NAA11: variants seen among roughly 807,000 people sequenced by gnomAD.
NAA11 encodes the protein N-alpha-acetyltransferase 11, NatA catalytic subunit.
A neutral mutation model predicts 16.1 loss-of-function variants in NAA11; 15 were observed. The observed-to-expected ratio is 0.93, with a 90% confidence interval of 0.62 to 1.44. The LOEUF (loss-of-function observed/expected upper bound fraction) is 1.44, where lower values mean the gene tolerates loss of function less well. Among genes scored for constraint, NAA11 ranks in the 40% most tolerant of loss-of-function variants. The probability of loss-of-function intolerance (pLI) is 0.00; values close to 1 mark genes in which losing one functional copy is unlikely to be tolerated. For missense variants in NAA11, 298 were observed against 291.3 expected (o/e 1.02, Z -0.17); for synonymous variants, 122 against 112.4 (o/e 1.09, Z -0.54).
the NAA11 span, among the ~76,000 whole-genome samples, chr4:79,188,429 CA>C: frequency 6.6e-6 from 1 of 151,766 alleles, no homozygotes; most frequent in Non-Finnish European, 1.5e-5. Context: ...ACTAAAAATA[CA>C]AAAAATTAGC....
At chr4:79,270,142 C>T (rs1353559704) in intron 2 of NAA11, among the ~76,000 whole-genome samples, 4 of 150,522 alleles carry the variant, frequency 2.7e-5, no homozygotes, top group Non-Finnish European at 4.4e-5. Context: ...TAGTGTGATG[C>T]CTCCAGCTTT....
chr4:79,309,847 C>T (rs1303573685), intron 1 of NAA11, among the ~76,000 whole-genome samples: 2 of 151,324 alleles, frequency 1.3e-5, no homozygotes, highest in African/African-American at 4.9e-5. Flanking sequence ...CCTCCAGTAG[C>T]TGGGACTACA....
the NAA11 span, among the ~76,000 whole-genome samples, chr4:79,191,550 T>C: frequency 6.6e-6 from 1 of 152,178 alleles, no homozygotes; most frequent in Non-Finnish European, 1.5e-5. Flanking sequence ...CTTGTACATT[T>C]GTTTAAGTTC....
chr4:79,157,858 A>G, the NAA11 span, among the ~76,000 whole-genome samples: 1 of 151,862 alleles, frequency 6.6e-6, no homozygotes, highest in Non-Finnish European at 1.5e-5. Context: ...GGGCATCCAA[A>G]TCGGTAAAGA....
At chr4:79,302,520 C>A (rs1191036226) in intron 1 of NAA11, among the ~76,000 whole-genome samples, 3 of 152,114 alleles carry the variant, frequency 2.0e-5, no homozygotes, top group Non-Finnish European at 4.4e-5. Context: ...TCCTTCATAA[C>A]AAAGTCTCAT....
chr4:79,212,475 T>G, the NAA11 span, among the ~76,000 whole-genome samples: 1 of 152,030 alleles, frequency 6.6e-6, no homozygotes. Context: ...CCTTGTCATG[T>G]ACATGGCCTT....
the NAA11 span, among the ~76,000 whole-genome samples, chr4:79,173,087 C>T: frequency 2.6e-5 from 4 of 152,070 alleles, no homozygotes; most frequent in African/African-American, 2.4e-5. Flanking sequence ...GATATACTTT[C>T]GTGGGTAGAA....
intron 1 of NAA11, chr4:79,305,002 C>A (rs4401473): frequency 0.42 from 63,317 of 152,048 alleles, 14,456 homozygotes; most frequent in East Asian, 0.77. Context: ...CACCATGTCC[C>A]ACGTGATGCA....
At position 79,323,341 on chromosome 4, in the gene NAA11, T is replaced by C. The variant is rs139486325; in HGVS notation, c.*12+1835A>G. On this transcript the variant is annotated intron_variant, in intron 1 of 1. Transcript: ENST00000286794. ...AATTAAGTTGTTTCTAACATACCAA[T>C]CCTTTAAAACTTAGTTTCAGTGGTT... Among the ~76,000 whole-genome samples the C allele has an allele frequency of 9.4e-4, 143 of 152,338 alleles. 2 individuals carry two copies. The East Asian group carries it at 0.025, about 27-fold the overall frequency.
intron 2 of NAA11, among the ~76,000 whole-genome samples, chr4:79,231,812 C>T (rs547734732): frequency 4.5e-4 from 69 of 151,678 alleles, no homozygotes; most frequent in Non-Finnish European, 8.7e-4. Flanking sequence ...CAAAAAGGAA[C>T]TTGTAATAAC....
chr4:79,207,339 T>C, the NAA11 span, among the ~76,000 whole-genome samples: 1 of 136,520 alleles, frequency 7.3e-6, no homozygotes, highest in Non-Finnish European at 1.5e-5. Context: ...ATAGGGCCTT[T>C]AAGGAGGTAA....
chr4:79,257,917 G>C (rs1560428455), intron 2 of NAA11, among the ~76,000 whole-genome samples: 1 of 152,322 alleles, frequency 6.6e-6, no homozygotes, highest in East Asian at 1.9e-4. Context: ...TTGTCTATAT[G>C]TAATCATGTA....
the NAA11 span, among the ~76,000 whole-genome samples, chr4:79,182,963 C>A: frequency 6.6e-6 from 1 of 152,178 alleles, no homozygotes; most frequent in Non-Finnish European, 1.5e-5. Context: ...AGCCCTCGAC[C>A]TCATGGAAAC....
intron 2 of NAA11, among the ~76,000 whole-genome samples, chr4:79,292,700 G>A (rs1298551922): frequency 1.3e-5 from 2 of 152,178 alleles, no homozygotes; most frequent in East Asian, 3.9e-4. Context: ...GACAAAATCT[G>A]CTTCTCTGTT....
chr4:79,303,071 GCCTTTTATATATAT>G (rs1236925176), intron 1 of NAA11, among the ~76,000 whole-genome samples: 66 of 86,594 alleles, frequency 7.6e-4, no homozygotes, highest in African/African-American at 2.9e-3. Context: ...TTCTCTTGAG[GCCTTTTATATATAT>G]ATATATATAT....
At chr4:79,287,269 A>G (rs1008448051) in intron 2 of NAA11, among the ~76,000 whole-genome samples, 2 of 152,150 alleles carry the variant, frequency 1.3e-5, no homozygotes, top group African/African-American at 2.4e-5. Flanking sequence ...TCAGGAGTCA[A>G]ACAGACATCT....
chr4:79,221,304 A>G (rs1423684627), downstream of NAA11, among the ~76,000 whole-genome samples: 2 of 151,412 alleles, frequency 1.3e-5, no homozygotes, highest in African/African-American at 4.9e-5. Context: ...TAGATATACA[A>G]TCATGTCATC....
chr4:79,324,718 G>A (rs1405222709), intron 1 of NAA11, among the ~76,000 whole-genome samples: 2 of 152,280 alleles, frequency 1.3e-5, no homozygotes, highest in East Asian at 3.9e-4. Context: ...TTCAAGTGTT[G>A]TCAGTCTGAT....
At chr4:79,244,914 C>G (rs1721776051) in intron 2 of NAA11, 1 of 163,600 alleles carries the variant, frequency 6.1e-6, no homozygotes, top group South Asian at 1.9e-4. Context: ...AGACGGGAGT[C>G]TCGCTTACTC....
Sources: allele counts gnomAD v4.1 joint callset (sites outside exome capture counted in the v4.1 genomes callset), GRCh38; gene constraint gnomAD v4.1.1; transcripts MANE v1.5; gene names NCBI Gene and HGNC (gene_info 2026-07-23, HGNC 2026-07-21).